The following HTR1F variants were observed in gnomAD, a reference collection of about 807,000 sequenced individuals.
The protein encoded by HTR1F is 5-hydroxytryptamine receptor 1F.
In HTR1F, 17 loss-of-function variants were observed where a neutral mutation model predicts 24.0. That is an observed-to-expected ratio of 0.71 (90% CI 0.48 to 1.06). The LOEUF (loss-of-function observed/expected upper bound fraction) is 1.06. Among genes scored for constraint, HTR1F ranks in the 50% least tolerant of loss-of-function variants. The probability of loss-of-function intolerance (pLI) is 0.00; values close to 1 mark genes in which losing one functional copy is unlikely to be tolerated. For missense variants in HTR1F, 391 were observed against 427.8 expected, an observed-to-expected ratio of 0.91 and a Z score of 0.76; for synonymous variants, 186 against 156.8, an observed-to-expected ratio of 1.19 and a Z score of -1.39.
chr3:87,941,205 G>A (rs189783072), intron 2 of HTR1F, among the ~76,000 whole-genome samples: 17 of 152,288 alleles, frequency 1.1e-4, no homozygotes, highest in African/African-American at 4.1e-4. Flanking sequence ...ATGGGTATTG[G>A]CTTTCTGAGT....
At chr3:87,945,074 G>C (rs536378420) in intron 2 of HTR1F, among the ~76,000 whole-genome samples, 29 of 150,326 alleles carry the variant, frequency 1.9e-4, no homozygotes, top group African/African-American at 6.4e-4. Flanking sequence ...TCTCTTCTCT[G>C]TCTCTCTCTC....
chr3:87,882,403 C>A (rs1216729393), intron 2 of HTR1F, among the ~76,000 whole-genome samples: 1 of 152,120 alleles, frequency 6.6e-6, no homozygotes, highest in Non-Finnish European at 1.5e-5. Flanking sequence ...AAGACATATG[C>A]ACACATATGT....
At chr3:87,972,874 TTAA>T (rs11467697) in intron 2 of HTR1F, among the ~76,000 whole-genome samples, 125,041 of 151,544 alleles carry the variant, frequency 0.83, 52,702 homozygotes, top group East Asian at 0.96. Flanking sequence ...TCTCAGCTGC[TTAA>T]TAATAATACC....
chr3:87,889,831 T>C (rs992366342), intron 2 of HTR1F, among the ~76,000 whole-genome samples: 3 of 152,218 alleles, frequency 2.0e-5, no homozygotes, highest in Admixed American at 6.5e-5. Flanking sequence ...AGATTAATAA[T>C]TTAACTGTCA....
chr3:87,821,018 A>G (rs1296297398), intron 1 of HTR1F, among the ~76,000 whole-genome samples: 3 of 152,202 alleles, frequency 2.0e-5, no homozygotes, highest in African/African-American at 7.2e-5. Context: ...AACAAATAAT[A>G]GAATTGCCAA....
At chr3:87,942,487 C>G (rs1297629330) in intron 2 of HTR1F, among the ~76,000 whole-genome samples, 1 of 151,008 alleles carries the variant, frequency 6.6e-6, no homozygotes, top group Non-Finnish European at 1.5e-5. Flanking sequence ...AGTCCTGCTG[C>G]TGGATCATCT....
rs559582081 is a variant in HTR1F at position 87,834,259 on chromosome 3, A to G, written c.-43+12135A>G. ...TGTGTGTATTCATATATGTATATATACACATAAGGTATGCATAATACATGT... is the reference window on the plus strand; with the variant it reads ...TGTGTGTATTCATATATGTATATATGCACATAAGGTATGCATAATACATGT... On this transcript the variant is annotated intron_variant, in intron 2 of 2. Coordinates refer to ENST00000319595, the MANE Select transcript of HTR1F (RefSeq NM_001322209.2). 2.0e-5 allele frequency among the ~76,000 whole-genome samples: 3 copies of G among 152,326 alleles called. No individual in the cohort carries two copies. The South Asian group carries it at 6.2e-4, about 32-fold the overall frequency.
chr3:87,808,123 T>C (rs1704102364), intron 1 of HTR1F, among the ~76,000 whole-genome samples: 1 of 152,030 alleles, frequency 6.6e-6, no homozygotes, highest in Admixed American at 6.6e-5. Flanking sequence ...AGGATAATGC[T>C]GGCATCATGG....
chr3:87,945,960 T>C (rs2107451312), intron 2 of HTR1F, among the ~76,000 whole-genome samples: 1 of 152,148 alleles, frequency 6.6e-6, no homozygotes, highest in Admixed American at 6.5e-5. Context: ...GGTTCTCTGA[T>C]TTTGGGTTCT....
intron 2 of HTR1F, among the ~76,000 whole-genome samples, chr3:87,903,796 A>C (rs2107332108): frequency 6.6e-6 from 1 of 152,326 alleles, no homozygotes; most frequent in Admixed American, 6.5e-5. Flanking sequence ...AAGGAATATA[A>C]ATCATGCTGC....
At chr3:87,881,947 T>C (rs1331111447) in intron 2 of HTR1F, among the ~76,000 whole-genome samples, 3 of 152,124 alleles carry the variant, frequency 2.0e-5, no homozygotes, top group African/African-American at 2.4e-5. Context: ...AGAAAATTTT[T>C]GCAACCTACT....
chr3:87,832,120 A>C (rs921961016), intron 2 of HTR1F, among the ~76,000 whole-genome samples: 35 of 152,146 alleles, frequency 2.3e-4, no homozygotes, highest in African/African-American at 8.4e-4. Flanking sequence ...ACCTGCCTAG[A>C]AGCTAAAAGA....
chr3:87,860,135 T>C (rs1270673036), intron 2 of HTR1F, among the ~76,000 whole-genome samples: 4 of 152,214 alleles, frequency 2.6e-5, no homozygotes, highest in Admixed American at 6.5e-5. Flanking sequence ...GAAATCTGTA[T>C]CATAATCTGC....
chr3:87,899,856 C>T (rs902774699), intron 2 of HTR1F, among the ~76,000 whole-genome samples: 1 of 152,156 alleles, frequency 6.6e-6, no homozygotes, highest in Non-Finnish European at 1.5e-5. Flanking sequence ...GAGCGAGATT[C>T]TGTCTCAAAA....
chr3:87,870,721 T>C (rs1705535122), intron 2 of HTR1F, among the ~76,000 whole-genome samples: 1 of 151,928 alleles, frequency 6.6e-6, no homozygotes, highest in South Asian at 2.1e-4. Context: ...AAAGGAGAGC[T>C]CTGGAGTTTG....
intron 2 of HTR1F, among the ~76,000 whole-genome samples, chr3:87,853,085 T>C (rs946531426): frequency 2.0e-5 from 3 of 151,560 alleles, no homozygotes; most frequent in Admixed American, 6.6e-5. Flanking sequence ...TTTCACTCTA[T>C]AGACTCCCAC....
chr3:87,847,676 C>T (rs911524944), intron 2 of HTR1F, among the ~76,000 whole-genome samples: 7 of 151,934 alleles, frequency 4.6e-5, no homozygotes, highest in African/African-American at 1.7e-4. Flanking sequence ...TAACCAACCT[C>T]TCTTTATTCT....
chr3:87,911,852 A>G (rs1005648481), intron 2 of HTR1F, among the ~76,000 whole-genome samples: 1 of 152,078 alleles, frequency 6.6e-6, no homozygotes, highest in African/African-American at 2.4e-5. Flanking sequence ...GAAGGCTTTC[A>G]ATAAAATTCA....
At chr3:87,969,615 C>T (rs1315741531) in intron 2 of HTR1F, among the ~76,000 whole-genome samples, 1 of 152,172 alleles carries the variant, frequency 6.6e-6, no homozygotes, top group Non-Finnish European at 1.5e-5. Flanking sequence ...ATTTTATGGG[C>T]TCACAGGCGG....
Sources: allele counts gnomAD v4.1 joint callset (sites outside exome capture counted in the v4.1 genomes callset), GRCh38; gene constraint gnomAD v4.1.1; transcripts MANE v1.5; gene names NCBI Gene and HGNC (gene_info 2026-07-23, HGNC 2026-07-21).